ANKRD26: variants seen among roughly 807,000 people sequenced by gnomAD.
ANKRD26 encodes the protein ankyrin repeat domain 26, also known as ankyrin repeat domain-containing protein 26.
ANKRD26 carries 141 observed loss-of-function variants against 208.7 expected under a neutral mutation model. The observed-to-expected ratio is 0.68, with a 90% CI of 0.59 to 0.78. The LOEUF (loss-of-function observed/expected upper bound fraction) is 0.78. Ranked by LOEUF, ANKRD26 falls within the 30% of genes least tolerant of loss-of-function variation. The probability of loss-of-function intolerance (pLI) is 0.00; values close to 1 mark genes in which losing one functional copy is unlikely to be tolerated. For synonymous variants in ANKRD26, 636 were observed against 660.4 expected, an observed-to-expected ratio of 0.96 and a Z score of 0.57; for missense variants, 1,889 against 1,938.7, an observed-to-expected ratio of 0.97 and a Z score of 0.48.
At chr10:27,029,883 G>T (rs557081728) in intron 25 of ANKRD26, among the ~76,000 whole-genome samples, 1 of 152,090 alleles carries the variant, frequency 6.6e-6, no homozygotes, top group African/African-American at 2.4e-5. Context: ...GGGAATGGCC[G>T]GGTGGGAATC....
intron 23 of ANKRD26, 40 bp downstream of exon 23, chr10:27,037,146 T>A (rs909573187): frequency 2.5e-6 from 4 of 1,599,036 alleles, no homozygotes; most frequent in African/African-American, 2.7e-5. Flanking sequence ...TAAATACATA[T>A]ACACACATAT....
Position 27,058,549 on chromosome 10 carries a change from A to T in ANKRD26, c.1564+1796T>A, listed in dbSNP as rs79043831. On this transcript the variant is annotated intron_variant, in intron 15 of 33. Coordinates refer to ENST00000376087, the MANE Select transcript of ANKRD26 (RefSeq NM_014915.3). ...ATCACTTTTCTCCTCATTGGTAAGC[A>T]TGATTTTCATTTCAAAAATGAACTC... 2.4e-3 allele frequency among the ~76,000 whole-genome samples: 370 copies of T among 151,940 alleles called. 2 individuals carry two copies. Among genetic ancestry groups the T allele is most frequent in the African/African-American group, 8.4e-3 (350 of 41,452 alleles).
chr10:27,091,901 C>T (rs571067498), intron 4 of ANKRD26, among the ~76,000 whole-genome samples: 8 of 151,838 alleles, frequency 5.3e-5, no homozygotes, highest in African/African-American at 1.4e-4. Context: ...GCAGGAGAAT[C>T]GCTTGAACCC....
chr10:27,028,585 C>CAAAAAAAAAAACAAA (rs2053754768), intron 27 of ANKRD26, among the ~76,000 whole-genome samples: 1 of 76,092 alleles, frequency 1.3e-5, no homozygotes. Context: ...GACTCCATCT[C>CAAAAAAAAAAACAAA]AAAAAAAAAA....
chr10:26,982,327 C>T (rs74128509), intron 4 of ANKRD26, among the ~76,000 whole-genome samples: 364 of 152,182 alleles, frequency 2.4e-3, no homozygotes, highest in African/African-American at 8.3e-3. Flanking sequence ...AAATAGGAGG[C>T]GGGTTGGTGT....
downstream of ANKRD26, among the ~76,000 whole-genome samples, chr10:26,991,130 C>G (rs1214005216): frequency 1.3e-5 from 2 of 152,160 alleles, no homozygotes; most frequent in East Asian, 3.8e-4. Context: ...GGTCAGGGAT[C>G]CCTGGAGGAA....
exon 6 of ANKRD26, among the ~76,000 whole-genome samples, chr10:26,975,963 T>A (rs180976836): frequency 6.6e-6 from 1 of 152,272 alleles, no homozygotes. Context: ...TTATCACTCT[T>A]ACCTCCTGGA....
intron 16 of ANKRD26, among the ~76,000 whole-genome samples, chr10:27,049,285 T>C (rs1254328405): frequency 3.3e-5 from 5 of 152,136 alleles, no homozygotes; most frequent in South Asian, 2.1e-4. Flanking sequence ...ATCTTCACTA[T>C]CTACTATGAA....
intron 5 of ANKRD26, among the ~76,000 whole-genome samples, chr10:26,992,537 T>A (rs1025879465): frequency 6.6e-6 from 1 of 150,976 alleles, no homozygotes; most frequent in African/African-American, 2.4e-5. Context: ...CTTTCCCAGA[T>A]TTACAGCAAA....
rs71281564 is a variant in ANKRD26 at position 27,078,910 on chromosome 10, T to TAA, written c.813+177_813+178dup. Among the ~76,000 whole-genome samples the TAA allele has an allele frequency of 0.16, 11,700 of 74,438 alleles. 594 individuals carry two copies. Among genetic ancestry groups the TAA allele is most frequent in the East Asian group, 0.33 (1,258 of 3,858 alleles). 48.8% of individuals were successfully genotyped at this position (74,438 alleles called of 152,430 possible). On this transcript the variant is annotated intron_variant, in intron 7 of 33. Transcript: ENST00000376087. ...ATCAATCCTTTGTTATTTACCAAAG[T>TAA]AAAAAAAAAAAAAAAAAAAGAATTC...
chr10:26,980,428 T>G (rs2052290104), intron 5 of ANKRD26, among the ~76,000 whole-genome samples: 1 of 152,144 alleles, frequency 6.6e-6, no homozygotes, highest in Non-Finnish European at 1.5e-5. Flanking sequence ...CTGGTAAGGG[T>G]CTGAATGACA....
At chr10:26,958,178 G>C in the ANKRD26 span, among the ~76,000 whole-genome samples, 1 of 151,894 alleles carries the variant, frequency 6.6e-6, no homozygotes, top group African/African-American at 2.4e-5. Flanking sequence ...TGCCTCCTGG[G>C]TTCAAGTGAT....
the ANKRD26 span, among the ~76,000 whole-genome samples, chr10:26,954,540 T>TA: frequency 4.0e-4 from 60 of 150,504 alleles, no homozygotes; most frequent in Middle Eastern, 3.4e-3. Context: ...GTCTATTTCT[T>TA]AAAAAAAAAA....
chr10:26,957,299 G>A, the ANKRD26 span, among the ~76,000 whole-genome samples: 1 of 152,102 alleles, frequency 6.6e-6, no homozygotes, highest in Non-Finnish European at 1.5e-5. Flanking sequence ...AAAGCAGGAG[G>A]ATCTCTTGAA....
intron 13 of ANKRD26, 84 bp from the exon 14 acceptor site, chr10:27,060,624 G>T: frequency 9.9e-7 from 1 of 1,011,836 alleles, no homozygotes; most frequent in South Asian, 1.5e-5. Flanking sequence ...AGTATGACCA[G>T]AATCATCACG....
At chr10:27,094,856 C>T (rs1452019162) in intron 1 of ANKRD26, among the ~76,000 whole-genome samples, 2 of 151,984 alleles carry the variant, frequency 1.3e-5, no homozygotes, top group South Asian at 2.1e-4. Context: ...AAAAAGTAGC[C>T]AGGCATGGTG....
chr10:27,099,776 T>C (rs908190323), intron 1 of ANKRD26, among the ~76,000 whole-genome samples: 11 of 152,384 alleles, frequency 7.2e-5, no homozygotes, highest in African/African-American at 2.4e-4. Flanking sequence ...GTGTATGACA[T>C]TGTATCTTAA....
chr10:27,031,776 G>A (rs1373563727), intron 25 of ANKRD26, among the ~76,000 whole-genome samples: 1 of 152,070 alleles, frequency 6.6e-6, no homozygotes, highest in African/African-American at 2.4e-5. Flanking sequence ...TAGTTTAGAT[G>A]TACATGCTAT....
intron 15 of ANKRD26, among the ~76,000 whole-genome samples, chr10:27,057,072 G>A (rs78637626): frequency 0.019 from 2,843 of 152,240 alleles, 155 homozygotes; most frequent in East Asian, 0.16. Context: ...TCTTTGGCAA[G>A]TCTTATTACT....
Sources: gnomAD v4.1 joint callset for allele counts (sites outside exome capture counted in the v4.1 genomes callset) on GRCh38, gnomAD v4.1.1 for gene constraint, MANE v1.5 for transcripts, NCBI Gene and HGNC (gene_info 2026-07-23, HGNC 2026-07-21) for gene names.